EXOC1L: variants seen among roughly 807,000 people sequenced by gnomAD.
The protein encoded by EXOC1L is exocyst complex component 1 like, also known as exocyst complex component 1-like.
In EXOC1L, 10 loss-of-function variants were observed where a neutral mutation model predicts 4.9. The observed-to-expected ratio is 2.02, with a 90% confidence interval of 1.25 to 3.43. The LOEUF (loss-of-function observed/expected upper bound fraction) is 3.43. Among genes scored for constraint, EXOC1L ranks in the 30% most tolerant of loss-of-function variants. The pLI, the probability that EXOC1L is intolerant of heterozygous loss-of-function variation, is 0.00. For missense variants in EXOC1L, 114 were observed against 59.4 expected, an observed-to-expected ratio of 1.92 and a Z score of -3.02; for synonymous variants, 41 against 20.8, an observed-to-expected ratio of 1.97 and a Z score of -2.63.
rs1284426967 is a variant in EXOC1L at position 55,819,982 on chromosome 4, G to C, written c.-45G>C. 1 of 398,640 alleles carries C rather than the reference G, an allele frequency of 2.5e-6. No individual in the cohort carries two copies. The highest frequency in any genetic ancestry group is 2.1e-5 in the African/African-American group (1 of 48,628). The allele number at this position is 398,640 out of a possible 1,614,324, so 24.7% of individuals were successfully genotyped here. A position where few individuals can be genotyped will look rare whatever the true frequency, so the allele number is the denominator to read the frequency against. ...ATCTAGGGAGCAAAAGGAGAGGAAA[G>C]AGTGAGCTTGAGCCAAGACATCAGG... On this transcript the variant is annotated 5_prime_UTR_variant, in exon 1 of 3. Coordinates refer to ENST00000636125, the MANE Select transcript of EXOC1L (RefSeq NM_001351574.3).
intron 1 of EXOC1L, among the ~76,000 whole-genome samples, chr4:55,826,814 G>A (rs1719897075): frequency 6.6e-6 from 1 of 152,200 alleles, no homozygotes. Context: ...TGTGGCTAAA[G>A]ACAATTCTTG....
chr4:55,830,777 C>T lies in EXOC1L; in HGVS notation c.122-557C>T, dbSNP rs111252116. Among the ~76,000 whole-genome samples, 283 of 152,236 alleles carry T rather than the reference C, an allele frequency of 1.9e-3. 2 individuals carry two copies. The highest frequency in any genetic ancestry group is 6.0e-3 in the African/African-American group (250 of 41,544). On this transcript the variant is annotated intron_variant, in intron 1 of 2. Coordinates refer to ENST00000636125, the MANE Select transcript of EXOC1L (RefSeq NM_001351574.3). ...GATTACAATCTCGAGCAATACCAAG[C>T]GGGTTAACAATAGCTGTGATGCAAG...
intron 1 of EXOC1L, among the ~76,000 whole-genome samples, chr4:55,830,778 G>A (rs567280185): frequency 2.6e-5 from 4 of 152,100 alleles, no homozygotes; most frequent in Non-Finnish European, 4.4e-5. Context: ...AATACCAAGC[G>A]GGTTAACAAT....
At chr4:55,836,002 G>C (rs967971132) in intron 2 of EXOC1L, among the ~76,000 whole-genome samples, 4 of 151,894 alleles carry the variant, frequency 2.6e-5, no homozygotes, top group Non-Finnish European at 5.9e-5. Flanking sequence ...ATGAGAGTCA[G>C]ATCAGATAAG....
At chr4:55,824,273 TCACACACA>T (rs747727307) in intron 1 of EXOC1L, among the ~76,000 whole-genome samples, 1 of 147,178 alleles carries the variant, frequency 6.8e-6, no homozygotes, top group Non-Finnish European at 1.5e-5. Context: ...TCTCTCTCTC[TCACACACA>T]CACACACACA....
intron 1 of EXOC1L, among the ~76,000 whole-genome samples, chr4:55,823,160 T>G (rs1297442003): frequency 6.6e-6 from 1 of 152,076 alleles, no homozygotes; most frequent in African/African-American, 2.4e-5. Context: ...ATAAAAATAA[T>G]ATGCATAAAT....
chr4:55,826,592 C>T (rs568329575), intron 1 of EXOC1L, among the ~76,000 whole-genome samples: 1 of 152,344 alleles, frequency 6.6e-6, no homozygotes, highest in African/African-American at 2.4e-5. Flanking sequence ...CTCACTAAAT[C>T]ATAGTTTGAT....
rs191214776 is a variant in EXOC1L at position 55,837,360 on chromosome 4, A to G, written c.*9A>G. 4.8e-5 allele frequency: 24 copies of G among 499,110 alleles called. No homozygotes were observed. Among genetic ancestry groups the G allele is most frequent in the Admixed American group, 1.4e-4 (4 of 29,542 alleles). 30.9% of individuals were successfully genotyped at this position (499,110 alleles called of 1,614,324 possible). On this transcript the variant is annotated 3_prime_UTR_variant, in exon 3 of 3. Coordinates refer to ENST00000636125, the MANE Select transcript of EXOC1L (RefSeq NM_001351574.3). The stretch of plus-strand genomic sequence containing the variant: ...GTCCCTTGCCACTCTGAAGCTGTGT[A>G]CCACATTCCTTCATCAGTGACCTAT...
chr4:55,826,082 T>C lies in EXOC1L; in HGVS notation c.122-5252T>C, dbSNP rs1277411512. ...CCTGGGCGACAAGAGCGAAACTCCA[T>C]CTCAAAAAAAAAAAAAAAAAGAAAG... On this transcript the variant is annotated intron_variant, in intron 1 of 2. Transcript: ENST00000636125. Among the ~76,000 whole-genome samples, 8 of 115,160 alleles carry C rather than the reference T, an allele frequency of 6.9e-5. No individual in the cohort carries two copies. The Admixed American group carries it at 8.2e-4, about 12-fold the overall frequency. The allele number at this position is 115,160 out of a possible 152,430, so 75.5% of individuals were successfully genotyped here.
At chr4:55,830,325 G>C (rs1260847368) in intron 1 of EXOC1L, among the ~76,000 whole-genome samples, 1 of 152,116 alleles carries the variant, frequency 6.6e-6, no homozygotes, top group Non-Finnish European at 1.5e-5. Context: ...TCATCTTGAA[G>C]GGAAATCTTA....
At chr4:55,823,588 G>A (rs762302717) in intron 1 of EXOC1L, among the ~76,000 whole-genome samples, 1 of 152,128 alleles carries the variant, frequency 6.6e-6, no homozygotes, top group Non-Finnish European at 1.5e-5. Flanking sequence ...CAATTATGCA[G>A]GCCAAAATAT....
intron 1 of EXOC1L, among the ~76,000 whole-genome samples, chr4:55,820,856 A>T (rs929373135): frequency 4.6e-5 from 7 of 152,202 alleles, no homozygotes; most frequent in Non-Finnish European, 8.8e-5. Context: ...AGGCTTTTGC[A>T]CTTAATTATG....
At chr4:55,822,980 C>CAT (rs10679606) in intron 1 of EXOC1L, among the ~76,000 whole-genome samples, 113,372 of 150,328 alleles carry the variant, frequency 0.75, 43,073 homozygotes, top group East Asian at 0.97. Context: ...AAATAGTAAA[C>CAT]ATGTGTGTAT....
At position 55,837,333 on chromosome 4, in the gene EXOC1L, A is replaced by G. The variant is rs1182715310; in HGVS notation, c.501A>G (p.Leu167=). The part of the protein sequence containing the change: ...FYAFNLVCLS[L]CPLPL The stretch of plus-strand genomic sequence containing the variant: ...CTTTCAATCTTGTGTGCTTGTCCCT[A>G]TGTCCCTTGCCACTCTGAAGCTGTG... The change falls in exon 3 of 3, where the codon CTA becomes CTG. Residue 167 remains leucine, a synonymous_variant. Coordinates refer to ENST00000636125, the MANE Select transcript of EXOC1L (RefSeq NM_001351574.3). The G allele has an allele frequency of 4.8e-6, 3 of 622,148 alleles. No homozygotes were observed. The highest frequency in any genetic ancestry group is 1.8e-5 in the African/African-American group (1 of 55,244). The allele number at this position is 622,148 out of a possible 1,614,324, so 38.5% of individuals were successfully genotyped here.
chr4:55,833,176 A>G (rs1720076323), intron 2 of EXOC1L, among the ~76,000 whole-genome samples: 2 of 151,920 alleles, frequency 1.3e-5, no homozygotes, highest in South Asian at 4.1e-4. Flanking sequence ...ATTATTACAT[A>G]TTTATATGAT....
chr4:55,831,614 T>C (rs1720034963), intron 2 of EXOC1L, 150 bp downstream of exon 2: 1 of 426,978 alleles, frequency 2.3e-6, no homozygotes, highest in African/African-American at 2.1e-5. Context: ...ACTGGGATGA[T>C]GTACTGGTTT....
intron 1 of EXOC1L, among the ~76,000 whole-genome samples, chr4:55,824,865 C>T (rs1431641336): frequency 6.6e-6 from 1 of 152,296 alleles, no homozygotes; most frequent in East Asian, 1.9e-4. Context: ...GAACAACCCA[C>T]ATCACCATCA....
rs189497561 is a variant in EXOC1L at position 55,834,711 on chromosome 4, T to C, written c.253-2374T>C. Among the ~76,000 whole-genome samples, 733 of 151,786 alleles carry C rather than the reference T, an allele frequency of 4.8e-3. 5 individuals carry two copies. The highest frequency in any genetic ancestry group is 6.9e-3 in the Non-Finnish European group (465 of 67,796). On this transcript the variant is annotated intron_variant, in intron 2 of 2. Transcript: ENST00000636125. ...AGAACTGTCTTTCAAGCTGTAGTTATGAGCGCCAGAAAAAAAAAAAATTGT... is the reference window on the plus strand; with the variant it reads ...AGAACTGTCTTTCAAGCTGTAGTTACGAGCGCCAGAAAAAAAAAAAATTGT...
intron 1 of EXOC1L, among the ~76,000 whole-genome samples, chr4:55,820,957 C>T (rs1159112506): frequency 6.6e-6 from 1 of 152,120 alleles, no homozygotes; most frequent in African/African-American, 2.4e-5. Context: ...TTTTCTTGGT[C>T]CATGCCTTTT....
Sources: gnomAD v4.1 joint callset for allele counts (sites outside exome capture counted in the v4.1 genomes callset) on GRCh38, gnomAD v4.1.1 for gene constraint, MANE v1.5 for transcripts, NCBI Gene and HGNC (gene_info 2026-07-23, HGNC 2026-07-21) for gene names.